Variants in PDLIM5 observed in about 807,000 individuals in gnomAD.
PDLIM5 encodes the protein PDZ and LIM domain 5.
A neutral mutation model predicts 64.2 loss-of-function variants in PDLIM5; 34 were observed. That is an observed-to-expected ratio of 0.53 (90% CI 0.40 to 0.71). The LOEUF is 0.71. Among genes scored for constraint, PDLIM5 ranks in the 30% least tolerant of loss-of-function variants. The pLI is 0.00. For missense variants in PDLIM5, 683 were observed against 733.6 expected, an observed-to-expected ratio of 0.93 and a Z score of 0.80; for synonymous variants, 253 against 269.1, an observed-to-expected ratio of 0.94 and a Z score of 0.59.
intron 3 of PDLIM5, among the ~76,000 whole-genome samples, chr4:94,562,860 CAGA>C (rs910968842): frequency 1.3e-5 from 2 of 152,144 alleles, no homozygotes; most frequent in Admixed American, 1.3e-4. Context: ...GAAAAGGTAT[CAGA>C]AGAAGAAGAA....
intron 3 of PDLIM5, among the ~76,000 whole-genome samples, chr4:94,540,858 G>T (rs569902963): frequency 2.0e-5 from 3 of 152,168 alleles, no homozygotes; most frequent in African/African-American, 7.2e-5. Flanking sequence ...GTTGGTATGA[G>T]TCTGCATTAA....
At chr4:94,637,941 G>A (rs1372817288) in intron 8 of PDLIM5, among the ~76,000 whole-genome samples, 1 of 152,180 alleles carries the variant, frequency 6.6e-6, no homozygotes, top group African/African-American at 2.4e-5. Flanking sequence ...CGGAAGGACA[G>A]ACCTGAGAAA....
intron 5 of PDLIM5, among the ~76,000 whole-genome samples, chr4:94,580,379 G>T (rs1735631679): frequency 6.6e-6 from 1 of 152,036 alleles, no homozygotes; most frequent in South Asian, 2.1e-4. Flanking sequence ...ACTTCATTCC[G>T]ATGTAGTTGT....
At chr4:94,555,451 A>C (rs2110221683) in intron 3 of PDLIM5, among the ~76,000 whole-genome samples, 1 of 152,352 alleles carries the variant, frequency 6.6e-6, no homozygotes. Flanking sequence ...TACATGGAGA[A>C]AAACTTATTC....
intron 3 of PDLIM5, among the ~76,000 whole-genome samples, chr4:94,527,303 C>T (rs1265115873): frequency 6.6e-6 from 1 of 151,908 alleles, no homozygotes; most frequent in Non-Finnish European, 1.5e-5. Flanking sequence ...GATCTGCCCG[C>T]CTTGTCCTCC....
chr4:94,584,724 G>T (rs1272806237), intron 5 of PDLIM5: 7 of 422,574 alleles, frequency 1.7e-5, no homozygotes, highest in Non-Finnish European at 3.0e-5. Context: ...TGGTTCCTGG[G>T]CCTAGTGAAG....
chr4:94,654,444 C>CTT lies in PDLIM5; in HGVS notation c.1284-12_1284-11dup. On this transcript the variant is annotated splice_polypyrimidine_tract_variant and intron_variant, in intron 9 of 12. Coordinates refer to ENST00000317968, the MANE Select transcript of PDLIM5 (RefSeq NM_006457.5). Reference sequence around the variant, plus strand: ...TTTTATTCTCAAACTTAGTTGGCCTCTTTTTCTTCTGTCAGAGGACCATTC... The same window carrying CTT: ...TTTTATTCTCAAACTTAGTTGGCCTCTTTTTTTCTTCTGTCAGAGGACCATTC... 1 of 1,570,932 alleles carries CTT rather than the reference C, an allele frequency of 6.4e-7. No individual in the cohort carries two copies. Among genetic ancestry groups the CTT allele is most frequent in the Non-Finnish European group, 8.7e-7 (1 of 1,143,396 alleles).
intron 9 of PDLIM5, among the ~76,000 whole-genome samples, chr4:94,642,995 G>A (rs552969423): frequency 3.9e-5 from 6 of 151,968 alleles, no homozygotes; most frequent in South Asian, 2.1e-4. Context: ...TCAATATTTC[G>A]AATTTGCCAA....
At chr4:94,483,804 A>G (rs906348860) in intron 2 of PDLIM5, among the ~76,000 whole-genome samples, 1 of 152,126 alleles carries the variant, frequency 6.6e-6, no homozygotes, top group Non-Finnish European at 1.5e-5. Flanking sequence ...TTCATACTTG[A>G]TTATCATTCT....
chr4:94,652,116 T>C (rs1434541404), intron 9 of PDLIM5, among the ~76,000 whole-genome samples: 1 of 152,232 alleles, frequency 6.6e-6, no homozygotes, highest in East Asian at 1.9e-4. Flanking sequence ...TTGATAGACA[T>C]GTTCCAGGAG....
chr4:94,566,125 C>G (rs1004884627), intron 3 of PDLIM5, among the ~76,000 whole-genome samples: 6 of 152,120 alleles, frequency 3.9e-5, no homozygotes, highest in African/African-American at 1.4e-4. Flanking sequence ...AGAAGGCAGC[C>G]AGAAGGTAGA....
At chr4:94,622,194 A>G (rs1560747100) in intron 8 of PDLIM5, among the ~76,000 whole-genome samples, 1 of 152,076 alleles carries the variant, frequency 6.6e-6, no homozygotes, top group African/African-American at 2.4e-5. Flanking sequence ...TCTTAGATAA[A>G]TAGTTTCAAA....
intron 3 of PDLIM5, among the ~76,000 whole-genome samples, chr4:94,535,684 A>G (rs1249625671): frequency 2.0e-5 from 3 of 152,168 alleles, no homozygotes; most frequent in Non-Finnish European, 4.4e-5. Flanking sequence ...CATTATGCTT[A>G]TATCTTGAAC....
At chr4:94,585,888 C>G in intron 6 of PDLIM5, 151 bp downstream of exon 6, 1 of 599,854 alleles carries the variant, frequency 1.7e-6, no homozygotes, top group Non-Finnish European at 2.9e-6. Flanking sequence ...AATAAGACCC[C>G]AGGCCGGGCA....
rs116266707 is a variant in PDLIM5, at chr4:94,548,319, C to T, written c.248+24444C>T. Among the ~76,000 whole-genome samples, 866 of 152,252 alleles carry T rather than the reference C, an allele frequency of 5.7e-3. 7 individuals carry two copies. The highest frequency in any genetic ancestry group is 0.02 in the African/African-American group (811 of 41,552). On this transcript the variant is annotated intron_variant, in intron 3 of 12. Coordinates refer to ENST00000317968, the MANE Select transcript of PDLIM5 (RefSeq NM_006457.5). Reference sequence around the variant, plus strand: ...CCAACATTCATTCCAAACTCTAAGCCTTTACTTTTGAAATCCATTTGTCCT... The same window carrying T: ...CCAACATTCATTCCAAACTCTAAGCTTTTACTTTTGAAATCCATTTGTCCT...
At position 94,585,750 on chromosome 4, in the gene PDLIM5, C is replaced by T. The variant is rs938030988; in HGVS notation, c.883+13C>T. On this transcript the variant is annotated intron_variant, in intron 6 of 12. Coordinates refer to ENST00000317968, the MANE Select transcript of PDLIM5 (RefSeq NM_006457.5). ...GGGACTGAACATTGTAAGTGAACTTCTAGGTATCCTAATGGATGAATGTTT... is the reference window on the plus strand; with the variant it reads ...GGGACTGAACATTGTAAGTGAACTTTTAGGTATCCTAATGGATGAATGTTT... 6.2e-7 allele frequency: 1 copy of T among 1,603,846 alleles called. No homozygotes were observed. Among genetic ancestry groups the T allele is most frequent in the Non-Finnish European group, 8.5e-7 (1 of 1,171,362 alleles).
chr4:94,464,118 G>A (rs576843240), intron 2 of PDLIM5, among the ~76,000 whole-genome samples: 2 of 152,274 alleles, frequency 1.3e-5, no homozygotes, highest in South Asian at 2.1e-4. Context: ...GTGTGTTGCT[G>A]TAAATGTTAA....
intron 7 of PDLIM5, among the ~76,000 whole-genome samples, chr4:94,603,959 A>C (rs1028893244): frequency 1.3e-5 from 2 of 152,182 alleles, no homozygotes; most frequent in Non-Finnish European, 2.9e-5. Flanking sequence ...GAGATATTAG[A>C]GGTATTAATA....
At chr4:94,662,725 C>T (rs1326135597) in intron 12 of PDLIM5, among the ~76,000 whole-genome samples, 188 bp downstream of exon 12, 2 of 151,684 alleles carry the variant, frequency 1.3e-5, no homozygotes, top group Non-Finnish European at 1.5e-5. Context: ...ATTTGGCACA[C>T]AGTGAGATCC....
Sources: gnomAD v4.1 joint callset for allele counts (sites outside exome capture counted in the v4.1 genomes callset) on GRCh38, gnomAD v4.1.1 for gene constraint, MANE v1.5 for transcripts, NCBI Gene and HGNC (gene_info 2026-07-23, HGNC 2026-07-21) for gene names.